FAAH2: variants seen among roughly 807,000 people sequenced by gnomAD.
The protein encoded by FAAH2 is fatty acid amide hydrolase 2.
FAAH2 carries 60 observed loss-of-function variants against 36.9 expected under a neutral mutation model. The observed-to-expected ratio is 1.63, with a 90% CI of 1.32 to 2.02. The LOEUF (loss-of-function observed/expected upper bound fraction) is 2.02, where lower values mean the gene tolerates loss of function less well. Ranked by LOEUF, FAAH2 falls within the 30% of genes most tolerant of loss-of-function variation. The pLI is 0.00. For missense variants in FAAH2, 689 were observed against 397.5 expected (o/e 1.73, Z -6.23); for synonymous variants, 214 against 143.8 (o/e 1.49, Z -3.49).
intron 4 of FAAH2, among the ~76,000 whole-genome samples, chrX:57,335,866 G>T (rs2053537295): frequency 8.9e-6 from 1 of 111,872 alleles, no homozygotes; most frequent in African/African-American, 3.3e-5. Context: ...AGATTACAGA[G>T]TGGTGATGAC....
intron 3 of FAAH2, among the ~76,000 whole-genome samples, chrX:57,326,369 G>T (rs1309299012): frequency 5.2e-5 from 6 of 114,371 alleles, no homozygotes; most frequent in Non-Finnish European, 3.7e-5. Context: ...TTGGTGCAGA[G>T]CTGAGTTCAA....
intron 10 of FAAH2, among the ~76,000 whole-genome samples, chrX:57,454,014 C>G (rs1411723184): frequency 1.8e-5 from 2 of 110,954 alleles, no homozygotes; most frequent in African/African-American, 3.3e-5. Flanking sequence ...AACCAGTGAT[C>G]GAAGGGGGCT....
intron 5 of FAAH2, among the ~76,000 whole-genome samples, chrX:57,347,378 G>T (rs184873245): frequency 7.2e-5 from 8 of 111,137 alleles, no homozygotes; most frequent in Admixed American, 5.8e-4. Flanking sequence ...ACTGTATTAT[G>T]AACTTTTTGT....
the FAAH2 span, among the ~76,000 whole-genome samples, chrX:57,264,876 C>T: frequency 8.9e-6 from 1 of 112,035 alleles, no homozygotes; most frequent in Non-Finnish European, 1.9e-5. Context: ...GTGCCTCTCA[C>T]GGAGAGGAAC....
chrX:57,279,811 C>A, the FAAH2 span, among the ~76,000 whole-genome samples: 4 of 111,484 alleles, frequency 3.6e-5, no homozygotes, highest in African/African-American at 1.3e-4. Context: ...GTTAAAAGTT[C>A]TCAACAAACA....
chrX:57,329,834 C>G (rs1602296412), intron 3 of FAAH2, among the ~76,000 whole-genome samples: 1 of 111,430 alleles, frequency 9.0e-6, no homozygotes, highest in South Asian at 3.8e-4. Flanking sequence ...ATTAGTTCCC[C>G]AAATTAATAC....
the FAAH2 span, among the ~76,000 whole-genome samples, chrX:57,198,948 G>T: frequency 8.9e-6 from 1 of 112,058 alleles, no homozygotes; most frequent in East Asian, 2.8e-4. Context: ...ACAGTTTTTT[G>T]TGGTGTTTTA....
chrX:57,352,061 TATATAC>T (rs1208946105), intron 5 of FAAH2, among the ~76,000 whole-genome samples: 1,559 of 40,941 alleles, frequency 0.038, 293 homozygotes, highest in African/African-American at 0.096. Flanking sequence ...TATATATATA[TATATAC>T]ACATATATAT....
the FAAH2 span, among the ~76,000 whole-genome samples, chrX:57,241,581 G>T: frequency 9.0e-6 from 1 of 111,509 alleles, no homozygotes; most frequent in Non-Finnish European, 1.9e-5. Context: ...GGCGGTACAG[G>T]TGGTTTCTGG....
chrX:57,442,189 G>A (rs749833453), intron 8 of FAAH2, among the ~76,000 whole-genome samples: 4 of 110,952 alleles, frequency 3.6e-5, no homozygotes, highest in Admixed American at 1.9e-4. Flanking sequence ...TCACTGATCT[G>A]TCTAATGTTG....
At chrX:57,407,499 G>A (rs1347872643) in intron 7 of FAAH2, among the ~76,000 whole-genome samples, 1 of 111,984 alleles carries the variant, frequency 8.9e-6, no homozygotes. Flanking sequence ...CCTGTCCATG[G>A]AACTCCAAGC....
At chrX:57,402,864 A>G (rs1014870856) in intron 7 of FAAH2, among the ~76,000 whole-genome samples, 8 of 112,025 alleles carry the variant, frequency 7.1e-5, no homozygotes, top group African/African-American at 1.3e-4. Flanking sequence ...GTGGGGAACT[A>G]TTCTCTTTCC....
At chrX:57,461,953 A>ATGAT (rs1354292722) in intron 10 of FAAH2, among the ~76,000 whole-genome samples, 1 of 110,615 alleles carries the variant, frequency 9.0e-6, no homozygotes, top group Non-Finnish European at 1.9e-5. Flanking sequence ...ACAATAAAAA[A>ATGAT]TGATAAAGGG....
rs1165507421 is a variant in FAAH2 at position 57,489,151 on chromosome X, G to T, written c.*219G>T. On this transcript the variant is annotated 3_prime_UTR_variant, in exon 11 of 11. Transcript: ENST00000374900. ...TTGCTTTTATGTTACTGGAAAATTA[G>T]GACATGTAAATGGATAAGTGCAATA... 3 of 384,053 alleles carry T rather than the reference G, an allele frequency of 7.8e-6. No homozygotes were observed. Among genetic ancestry groups the T allele is most frequent in the South Asian group, 6.9e-5 (1 of 14,558 alleles). 31.7% of individuals were successfully genotyped at this position (384,053 alleles called of 1,213,427 possible).
At chrX:57,189,144 A>G in the FAAH2 span, among the ~76,000 whole-genome samples, 10 of 110,099 alleles carry the variant, frequency 9.1e-5, no homozygotes, top group Non-Finnish European at 1.7e-4. Flanking sequence ...TTGATCTTCA[A>G]TCTCTGATAT....
chrX:57,473,372 C>T (rs1022398349), intron 10 of FAAH2, among the ~76,000 whole-genome samples: 2 of 111,342 alleles, frequency 1.8e-5, no homozygotes, highest in African/African-American at 6.5e-5. Context: ...TAAATTTATT[C>T]CACTGTGGTC....
chrX:57,148,925 A>G, the FAAH2 span, among the ~76,000 whole-genome samples: 4 of 111,546 alleles, frequency 3.6e-5, no homozygotes, highest in Admixed American at 9.5e-5. Flanking sequence ...TTATTTTGAG[A>G]TATGTCCCGT....
intron 8 of FAAH2, among the ~76,000 whole-genome samples, chrX:57,439,592 G>A (rs1405347482): frequency 9.0e-6 from 1 of 111,475 alleles, no homozygotes; most frequent in African/African-American, 3.3e-5. Context: ...CTGTGCAGAA[G>A]CTCTTTAGTT....
At chrX:57,268,467 A>G in the FAAH2 span, among the ~76,000 whole-genome samples, 2 of 111,524 alleles carry the variant, frequency 1.8e-5, no homozygotes, top group Admixed American at 9.5e-5. Context: ...ATCCAGCTAG[A>G]GAGGATAACA....
Sources: gnomAD v4.1 joint callset for allele counts (sites outside exome capture counted in the v4.1 genomes callset) on GRCh38, gnomAD v4.1.1 for gene constraint, MANE v1.5 for transcripts, NCBI Gene and HGNC (gene_info 2026-07-23, HGNC 2026-07-21) for gene names.